The following PHF24 variants were observed in gnomAD, a reference collection of about 807,000 sequenced individuals.
PHF24 encodes the protein PHD finger protein 24.
A neutral mutation model predicts 42.6 loss-of-function variants in PHF24; 25 were observed. That is an observed-to-expected ratio of 0.59 (90% CI 0.43 to 0.82). The LOEUF (loss-of-function observed/expected upper bound fraction) is 0.82. Among genes scored for constraint, PHF24 ranks in the 40% least tolerant of loss-of-function variants. The pLI is 0.00. For synonymous variants in PHF24, 185 were observed against 204.8 expected, an observed-to-expected ratio of 0.90 and a Z score of 0.83; for missense variants, 470 against 538.1, an observed-to-expected ratio of 0.87 and a Z score of 1.25.
the PHF24 span, chr9:34,918,195 C>A: frequency 1.4e-6 from 2 of 1,451,366 alleles, no homozygotes; most frequent in Non-Finnish European, 1.9e-6. Context: ...TGAAGACCAT[C>A]ACCCCTCTGC....
chr9:34,900,189 G>C, the PHF24 span, among the ~76,000 whole-genome samples: 2 of 151,990 alleles, frequency 1.3e-5, no homozygotes, highest in Non-Finnish European at 2.9e-5. Context: ...GCAAGGCCAG[G>C]GTCCTTCATG....
the PHF24 span, chr9:34,690,357 G>T: frequency 5.0e-6 from 8 of 1,612,970 alleles, no homozygotes; most frequent in Non-Finnish European, 6.8e-6. Flanking sequence ...GATGGGGAAA[G>T]AAGGTGACAG....
the PHF24 span, among the ~76,000 whole-genome samples, chr9:34,745,728 A>T: frequency 6.6e-6 from 1 of 151,512 alleles, no homozygotes; most frequent in African/African-American, 2.4e-5. Flanking sequence ...CTAACAAATA[A>T]TGAAGATGCA....
the PHF24 span, chr9:34,893,176 A>G: frequency 2.0e-6 from 1 of 503,146 alleles, no homozygotes; most frequent in Non-Finnish European, 3.4e-6. Context: ...CATGACAAAC[A>G]TTAATGATGG....
the PHF24 span, among the ~76,000 whole-genome samples, chr9:34,930,946 G>T: frequency 6.6e-6 from 1 of 152,154 alleles, no homozygotes; most frequent in Non-Finnish European, 1.5e-5. Flanking sequence ...TGTTGGAAGT[G>T]GAGCCTGGTG....
chr9:34,811,477 C>T, the PHF24 span, among the ~76,000 whole-genome samples: 24 of 152,336 alleles, frequency 1.6e-4, no homozygotes, highest in Admixed American at 5.2e-4. Context: ...TGCTTTCTCA[C>T]GTGCTCTCTT....
chr9:34,943,548 A>G, the PHF24 span, among the ~76,000 whole-genome samples: 1 of 152,022 alleles, frequency 6.6e-6, no homozygotes, highest in Admixed American at 6.5e-5. Context: ...ATCAATATCA[A>G]CTCAGACTGT....
the PHF24 span, chr9:34,723,332 G>A: frequency 6.4e-7 from 1 of 1,551,572 alleles, no homozygotes; most frequent in African/African-American, 1.4e-5. Context: ...AGGTTGTCTG[G>A]AGTGTAGCCG....
the PHF24 span, among the ~76,000 whole-genome samples, chr9:34,706,223 G>A: frequency 2.0e-5 from 3 of 152,084 alleles, no homozygotes; most frequent in Non-Finnish European, 4.4e-5. Flanking sequence ...ATCTAAATAT[G>A]GTAATATAAT....
chr9:34,952,922 C>T (rs1019021002), upstream of PHF24, among the ~76,000 whole-genome samples: 3 of 152,166 alleles, frequency 2.0e-5, no homozygotes, highest in African/African-American at 7.2e-5. Flanking sequence ...CATCCATATA[C>T]AAAATCAGGA....
the PHF24 span, among the ~76,000 whole-genome samples, chr9:34,850,669 G>C: frequency 6.6e-6 from 1 of 152,096 alleles, no homozygotes; most frequent in South Asian, 2.1e-4. Flanking sequence ...TTGGAGGAGA[G>C]GTGCTCTGCT....
At chr9:34,937,355 C>T in the PHF24 span, among the ~76,000 whole-genome samples, 2 of 152,102 alleles carry the variant, frequency 1.3e-5, no homozygotes, top group African/African-American at 2.4e-5. Context: ...TTACCCCCAA[C>T]CCTGTGCTCT....
the PHF24 span, among the ~76,000 whole-genome samples, chr9:34,865,496 A>G: frequency 6.6e-6 from 1 of 152,280 alleles, no homozygotes; most frequent in South Asian, 2.1e-4. Context: ...TCCAGGAGGC[A>G]GAGGTTTCAG....
At chr9:34,781,556 A>G in the PHF24 span, among the ~76,000 whole-genome samples, 1 of 152,216 alleles carries the variant, frequency 6.6e-6, no homozygotes, top group African/African-American at 2.4e-5. Flanking sequence ...GAATGTAACT[A>G]ACATTACCGA....
chr9:34,794,087 TATATACTC>T, the PHF24 span, among the ~76,000 whole-genome samples: 1 of 152,026 alleles, frequency 6.6e-6, no homozygotes, highest in Non-Finnish European at 1.5e-5. Flanking sequence ...CCAAGTTGTT[TATATACTC>T]ATGGGCTCAC....
upstream of PHF24, among the ~76,000 whole-genome samples, chr9:34,954,809 T>C (rs538692862): frequency 3.3e-5 from 5 of 152,262 alleles, no homozygotes; most frequent in African/African-American, 1.2e-4. Flanking sequence ...AAAACACATA[T>C]AGTGCATTGC....
the PHF24 span, among the ~76,000 whole-genome samples, chr9:34,746,453 T>C: frequency 6.6e-6 from 1 of 152,264 alleles, no homozygotes; most frequent in South Asian, 2.1e-4. Context: ...AAATCAGCAA[T>C]ACACTATGAG....
chr9:34,930,341 T>C, the PHF24 span, among the ~76,000 whole-genome samples: 1 of 152,224 alleles, frequency 6.6e-6, no homozygotes, highest in African/African-American at 2.4e-5. Flanking sequence ...ATGATTTATC[T>C]CCTGAAATGG....
At chr9:34,918,426 A>C in the PHF24 span, 19 of 512,542 alleles carry the variant, frequency 3.7e-5, no homozygotes, top group Non-Finnish European at 4.6e-5. Flanking sequence ...AAAAAAAATC[A>C]TGGGGAATTT....
Sources: allele counts gnomAD v4.1 joint callset (sites outside exome capture counted in the v4.1 genomes callset), GRCh38; gene constraint gnomAD v4.1.1; transcripts MANE v1.5; gene names NCBI Gene and HGNC (gene_info 2026-07-23, HGNC 2026-07-21).